Variants in EEPD1 observed in about 807,000 individuals in gnomAD.
EEPD1 encodes endonuclease/exonuclease/phosphatase family domain-containing protein 1.
A neutral mutation model predicts 46.3 loss-of-function variants in EEPD1; 17 were observed. The observed-to-expected ratio is 0.37, with a 90% CI of 0.25 to 0.55. The LOEUF is 0.55. Ranked by LOEUF, EEPD1 falls within the 20% of genes least tolerant of loss-of-function variation. The pLI, the probability that EEPD1 is intolerant of heterozygous loss-of-function variation, is 0.83. For missense variants in EEPD1, 673 were observed against 745.6 expected (o/e 0.90, Z 1.13); for synonymous variants, 313 against 315.6 (o/e 0.99, Z 0.09).
chr7:36,233,914 TTTTG>T (rs996180573), intron 2 of EEPD1, among the ~76,000 whole-genome samples: 15 of 152,098 alleles, frequency 9.9e-5, no homozygotes, highest in South Asian at 4.1e-4. Flanking sequence ...GTTTTTTGTT[TTTTG>T]TTTGTTTGTT....
chr7:36,202,967 A>G (rs1335060532), intron 2 of EEPD1, among the ~76,000 whole-genome samples: 1 of 152,234 alleles, frequency 6.6e-6, no homozygotes, highest in Non-Finnish European at 1.5e-5. Flanking sequence ...GGCGGAGGTC[A>G]TGGCCCTGCA....
chr7:36,154,606 C>T lies in EEPD1; in HGVS notation c.282C>T (p.Val94=), dbSNP rs756273353. The T allele has an allele frequency of 1.2e-6, 2 of 1,613,900 alleles. No homozygotes were observed. The highest frequency in any genetic ancestry group is 1.3e-5 in the African/African-American group (1 of 74,880). The part of the protein sequence containing the change: ...SGVGATKLEQ[V]KFEICVSSKG... ...TAGGCGCCACCAAGCTGGAGCAGGTCAAGTTTGAGATCTGTGTGAGCAGCA... is the reference window on the plus strand; with the variant it reads ...TAGGCGCCACCAAGCTGGAGCAGGTTAAGTTTGAGATCTGTGTGAGCAGCA... The change falls in exon 2 of 8, where the codon GTC becomes GTT. Residue 94 remains valine (V), a synonymous_variant. Coordinates refer to ENST00000242108, the MANE Select transcript of EEPD1 (RefSeq NM_030636.3). This position sits in a 1 kb window ranked among gnomAD's most constrained non-coding sequence, Gnocchi z 4.2.
At chr7:36,237,539 C>T (rs755104666) in intron 2 of EEPD1, among the ~76,000 whole-genome samples, 25 of 152,166 alleles carry the variant, frequency 1.6e-4, no homozygotes, top group Non-Finnish European at 3.1e-4. Flanking sequence ...ATTCTGTTAC[C>T]GGAAAGGGGT....
At chr7:36,235,409 C>T (rs1474621120) in intron 2 of EEPD1, among the ~76,000 whole-genome samples, 1 of 152,256 alleles carries the variant, frequency 6.6e-6, no homozygotes, top group East Asian at 1.9e-4. Flanking sequence ...TCATCTCTGC[C>T]CTTGGAGCCT....
At chr7:36,297,492 G>A (rs916039989) in intron 7 of EEPD1, among the ~76,000 whole-genome samples, 1 of 152,188 alleles carries the variant, frequency 6.6e-6, no homozygotes, top group African/African-American at 2.4e-5. Context: ...GTGAAAGGGA[G>A]TGTGACAAAT....
intron 6 of EEPD1, among the ~76,000 whole-genome samples, chr7:36,291,798 A>G (rs868233167): frequency 2.6e-5 from 4 of 152,192 alleles, no homozygotes; most frequent in African/African-American, 4.8e-5. Context: ...CTTTCCCTAA[A>G]GCCTCCTTCA....
chr7:36,183,780 A>G (rs928982949), intron 2 of EEPD1, among the ~76,000 whole-genome samples: 3 of 151,828 alleles, frequency 2.0e-5, no homozygotes, highest in African/African-American at 7.3e-5. Flanking sequence ...GATTACAGGC[A>G]TGAGCCACTG....
At chr7:36,281,052 G>A (rs1031447532) in intron 3 of EEPD1, 63 bp from the exon 4 acceptor site, 9 of 1,449,150 alleles carry the variant, frequency 6.2e-6, no homozygotes, top group African/African-American at 4.2e-5. Context: ...TTCTCAGGCC[G>A]CCGCCAGCCG....
intron 2 of EEPD1, among the ~76,000 whole-genome samples, chr7:36,184,846 T>C (rs1160568753): frequency 6.6e-6 from 1 of 152,110 alleles, no homozygotes; most frequent in Non-Finnish European, 1.5e-5. Context: ...TTCTCCTGCC[T>C]CAGCCTCTCG....
At chr7:36,228,520 C>T (rs1480724835) in intron 2 of EEPD1, 2 of 151,122 alleles carry the variant, frequency 1.3e-5, no homozygotes, top group Non-Finnish European at 2.9e-5. Context: ...GAGTAAGACT[C>T]CGTCTCAAAA....
At chr7:36,181,521 G>A (rs893233443) in intron 2 of EEPD1, among the ~76,000 whole-genome samples, 3 of 152,212 alleles carry the variant, frequency 2.0e-5, no homozygotes, top group African/African-American at 4.8e-5. Flanking sequence ...TTGAATGTGC[G>A]AGTTGAGTGT....
chr7:36,270,837 G>A (rs1383937937), intron 3 of EEPD1, among the ~76,000 whole-genome samples: 1 of 152,048 alleles, frequency 6.6e-6, no homozygotes, highest in Non-Finnish European at 1.5e-5. Flanking sequence ...AGATTGCTGG[G>A]TCAAATGGTA....
intron 6 of EEPD1, among the ~76,000 whole-genome samples, chr7:36,292,133 C>T (rs1023711541): frequency 1.1e-4 from 16 of 152,170 alleles, no homozygotes; most frequent in Non-Finnish European, 1.5e-5. Flanking sequence ...AGGAAGGGGG[C>T]CCACGCTACA....
At chr7:36,271,395 G>A (rs1332034121) in intron 3 of EEPD1, among the ~76,000 whole-genome samples, 3 of 152,086 alleles carry the variant, frequency 2.0e-5, no homozygotes, top group East Asian at 1.9e-4. Context: ...TTTGTTGGCC[G>A]CATAAATATC....
At chr7:36,170,696 C>A (rs749841684) in intron 2 of EEPD1, among the ~76,000 whole-genome samples, 7 of 150,870 alleles carry the variant, frequency 4.6e-5, no homozygotes, top group Non-Finnish European at 1.0e-4. Flanking sequence ...AAAAATATGT[C>A]TAATCTATAA....
chr7:36,209,711 G>A (rs1465781968), intron 2 of EEPD1, among the ~76,000 whole-genome samples: 3 of 152,002 alleles, frequency 2.0e-5, no homozygotes, highest in African/African-American at 7.3e-5. Flanking sequence ...CAGATCTCGC[G>A]TGAACTACCA....
intron 2 of EEPD1, among the ~76,000 whole-genome samples, chr7:36,167,161 A>G (rs1784999797): frequency 6.6e-6 from 1 of 152,002 alleles, no homozygotes; most frequent in Non-Finnish European, 1.5e-5. Context: ...ACCTTAATCA[A>G]CTCTTTAAAG....
intron 2 of EEPD1, among the ~76,000 whole-genome samples, chr7:36,158,735 T>TA (rs1385678644): frequency 6.6e-6 from 1 of 152,246 alleles, no homozygotes; most frequent in Non-Finnish European, 1.5e-5. Flanking sequence ...ATGTTCCTGC[T>TA]AAATATGCTT....
intron 3 of EEPD1, among the ~76,000 whole-genome samples, chr7:36,251,584 A>G (rs1786740074): frequency 6.6e-6 from 1 of 152,208 alleles, no homozygotes; most frequent in Non-Finnish European, 1.5e-5. Context: ...TGCTGGGATT[A>G]CAGGCATGAG....
Sources: gnomAD v4.1 joint callset for allele counts (sites outside exome capture counted in the v4.1 genomes callset) on GRCh38, gnomAD v4.1.1 for gene constraint, Gnocchi (gnomAD v3.1) non-coding constraint, MANE v1.5 for transcripts, NCBI Gene and HGNC (gene_info 2026-07-23, HGNC 2026-07-21) for gene names.